TMEM108: variants seen among roughly 807,000 people sequenced by gnomAD.
TMEM108 encodes the protein transmembrane protein 108.
Under a neutral mutation model 35.1 loss-of-function variants are expected in TMEM108, and 12 were observed. The ratio of observed to expected loss-of-function variants is 0.34; its 90% confidence interval spans 0.22 to 0.55. The LOEUF (loss-of-function observed/expected upper bound fraction) is 0.55. Among genes scored for constraint, TMEM108 ranks in the 20% least tolerant of loss-of-function variants. The pLI is 0.89. For missense variants in TMEM108, 680 were observed against 753.3 expected (o/e 0.90, Z 1.14); for synonymous variants, 287 against 308.6 (o/e 0.93, Z 0.73).
intron 2 of TMEM108, among the ~76,000 whole-genome samples, chr3:133,096,079 T>C (rs576676055): frequency 6.6e-6 from 1 of 152,302 alleles, no homozygotes; most frequent in East Asian, 1.9e-4. Flanking sequence ...CATCTTGATG[T>C]CTTAGACAGA....
chr3:133,150,080 G>C (rs1944776002), intron 2 of TMEM108, among the ~76,000 whole-genome samples: 3 of 152,082 alleles, frequency 2.0e-5, no homozygotes, highest in Admixed American at 2.0e-4. Flanking sequence ...TTCCACAGTG[G>C]TTATACCAAT....
intron 3 of TMEM108, among the ~76,000 whole-genome samples, chr3:133,318,260 C>G (rs1412942143): frequency 1.3e-5 from 2 of 152,178 alleles, no homozygotes; most frequent in Non-Finnish European, 2.9e-5. Context: ...GGAGTGAACG[C>G]CCCTGGAAGA....
chr3:133,199,529 T>C (rs1478086940), intron 2 of TMEM108, among the ~76,000 whole-genome samples: 1 of 152,240 alleles, frequency 6.6e-6, no homozygotes, highest in Non-Finnish European at 1.5e-5. Context: ...GCTGCAGGTC[T>C]GTTGGAGTTT....
At position 133,362,083 on chromosome 3, in the gene TMEM108, T is replaced by C. The variant is rs139757908; in HGVS notation, c.41-17669T>C. On this transcript the variant is annotated intron_variant, in intron 3 of 5. Coordinates refer to ENST00000321871, the MANE Select transcript of TMEM108 (RefSeq NM_023943.4). ...CCAGTAAACCTGATGCACCTTTCAA[T>C]ACTGATGATGTGATGCTTGCCCTTC... Among the ~76,000 whole-genome samples the C allele has an allele frequency of 6.2e-3, 949 of 152,228 alleles. 13 individuals are homozygous for C. The highest frequency in any genetic ancestry group is 0.021 in the African/African-American group (891 of 41,534).
chr3:133,260,287 TA>T (rs10575513), intron 3 of TMEM108, among the ~76,000 whole-genome samples: 2,513 of 149,604 alleles, frequency 0.017, 70 homozygotes, highest in African/African-American at 0.058. Flanking sequence ...TAGACAATAG[TA>T]AAAAAAAAAA....
intron 2 of TMEM108, among the ~76,000 whole-genome samples, chr3:133,059,479 C>T (rs1943511442): frequency 6.6e-6 from 1 of 152,094 alleles, no homozygotes; most frequent in Admixed American, 6.6e-5. Flanking sequence ...CTTTCTCTTT[C>T]TTATAACTCT....
chr3:133,303,479 G>T (rs1223040570), intron 3 of TMEM108: 1 of 152,120 alleles, frequency 6.6e-6, no homozygotes, highest in Non-Finnish European at 1.5e-5. Context: ...TAGAAAATCA[G>T]TGTGATTTAA....
At chr3:133,241,267 C>T (rs1441002988) in intron 3 of TMEM108, among the ~76,000 whole-genome samples, 1 of 152,218 alleles carries the variant, frequency 6.6e-6, no homozygotes, top group Admixed American at 6.5e-5. Flanking sequence ...CCCCAAAAGC[C>T]CCCCAAACCT....
chr3:133,123,838 T>A (rs75908635), intron 2 of TMEM108, among the ~76,000 whole-genome samples: 4,680 of 152,344 alleles, frequency 0.031, 130 homozygotes, highest in South Asian at 0.064. Flanking sequence ...AACTCTCTGC[T>A]TCTGCAATAG....
chr3:133,353,282 A>G (rs971443974), intron 3 of TMEM108, among the ~76,000 whole-genome samples: 3 of 152,188 alleles, frequency 2.0e-5, no homozygotes, highest in Non-Finnish European at 4.4e-5. Context: ...ACACATTCCA[A>G]CCTCCATGAA....
intron 2 of TMEM108, among the ~76,000 whole-genome samples, chr3:133,164,348 G>C (rs527554110): frequency 6.6e-6 from 1 of 152,236 alleles, no homozygotes; most frequent in Non-Finnish European, 1.5e-5. Context: ...CTTTAACACA[G>C]TTTCTAGCCT....
chr3:133,146,698 T>A (rs1157162303), intron 2 of TMEM108, among the ~76,000 whole-genome samples: 5 of 152,214 alleles, frequency 3.3e-5, no homozygotes, highest in Non-Finnish European at 4.4e-5. Flanking sequence ...CTTGGGATGG[T>A]GTATGTGTCC....
At chr3:133,070,267 G>T (rs1395503576) in intron 2 of TMEM108, among the ~76,000 whole-genome samples, 2 of 152,090 alleles carry the variant, frequency 1.3e-5, no homozygotes, top group Middle Eastern at 3.2e-3. Context: ...GAGATATTGT[G>T]CCTGTCTTCT....
intron 2 of TMEM108, among the ~76,000 whole-genome samples, chr3:133,152,503 T>G (rs1944816824): frequency 6.6e-6 from 1 of 152,172 alleles, no homozygotes. Flanking sequence ...TCTTTATAGT[T>G]GTTTTAGAAA....
intron 2 of TMEM108, among the ~76,000 whole-genome samples, chr3:133,076,364 C>G (rs769675255): frequency 1.1e-4 from 16 of 151,598 alleles, no homozygotes; most frequent in Admixed American, 7.2e-4. Flanking sequence ...GTAAAGAGAC[C>G]GTGATATAGA....
chr3:133,324,776 G>T (rs2071309529), intron 3 of TMEM108, among the ~76,000 whole-genome samples: 1 of 152,192 alleles, frequency 6.6e-6, no homozygotes, highest in Non-Finnish European at 1.5e-5. Flanking sequence ...AGGAGTTCAA[G>T]ACCAGCCTGG....
intron 2 of TMEM108, chr3:133,119,141 T>A (rs1944321621): frequency 6.6e-6 from 1 of 152,024 alleles, no homozygotes; most frequent in African/African-American, 2.4e-5. Flanking sequence ...TGAGTCTAGG[T>A]TGTCAGGTGG....
intron 3 of TMEM108, among the ~76,000 whole-genome samples, chr3:133,323,916 A>G (rs1342240968): frequency 3.3e-5 from 5 of 152,142 alleles, no homozygotes; most frequent in Non-Finnish European, 5.9e-5. Context: ...ACAAAAACAT[A>G]AAGTCAGGAA....
At chr3:133,221,999 C>T (rs1349629201) in intron 2 of TMEM108, among the ~76,000 whole-genome samples, 2 of 152,098 alleles carry the variant, frequency 1.3e-5, no homozygotes, top group Non-Finnish European at 2.9e-5. Context: ...TGACTATGCA[C>T]TTATTTTTAC....
Sources: allele counts gnomAD v4.1 joint callset (sites outside exome capture counted in the v4.1 genomes callset), GRCh38; gene constraint gnomAD v4.1.1; transcripts MANE v1.5; gene names NCBI Gene and HGNC (gene_info 2026-07-23, HGNC 2026-07-21).